FIRRM: variants seen among roughly 807,000 people sequenced by gnomAD.
FIRRM encodes the protein FIGNL1 interacting regulator of recombination and mitosis.
the FIRRM span, chr1:169,795,208 C>A: frequency 6.5e-7 from 1 of 1,535,988 alleles, no homozygotes. Context: ...CCTGCCCCGA[C>A]TCCTCATATC....
the FIRRM span, among the ~76,000 whole-genome samples, chr1:169,816,278 A>G: frequency 6.6e-6 from 1 of 152,192 alleles, no homozygotes; most frequent in African/African-American, 2.4e-5. Context: ...TTTTCACATT[A>G]CCATCTCTCT....
the FIRRM span, chr1:169,800,787 C>CTTTAGA: frequency 4.2e-6 from 2 of 474,872 alleles, no homozygotes; most frequent in African/African-American, 4.4e-5. Flanking sequence ...GTGTATCAAG[C>CTTTAGA]TTTAGATTGG....
At chr1:169,794,896 T>C in the FIRRM span, 1 of 567,324 alleles carries the variant, frequency 1.8e-6, no homozygotes, top group East Asian at 2.9e-5. Context: ...CGGACCTAAA[T>C]CGCGCACCAG....
At chr1:169,785,448 G>A in the FIRRM span, among the ~76,000 whole-genome samples, 1 of 152,200 alleles carries the variant, frequency 6.6e-6, no homozygotes, top group Non-Finnish European at 1.5e-5. Context: ...GATGAATGTG[G>A]GAGTTTTATG....
chr1:169,840,209 C>T, the FIRRM span, among the ~76,000 whole-genome samples: 1 of 152,246 alleles, frequency 6.6e-6, no homozygotes, highest in Non-Finnish European at 1.5e-5. Flanking sequence ...TATTCAGGCT[C>T]TTTTTTGATT....
At chr1:169,853,891 G>GTACTA in the FIRRM span, 1 of 1,087,586 alleles carries the variant, frequency 9.2e-7, no homozygotes, top group East Asian at 2.4e-5. Flanking sequence ...ACACTACCTC[G>GTACTA]TACTAAGTAA....
the FIRRM span, among the ~76,000 whole-genome samples, chr1:169,844,876 T>G: frequency 6.6e-6 from 1 of 152,182 alleles, no homozygotes; most frequent in Non-Finnish European, 1.5e-5. Context: ...TCTTTTAAAT[T>G]GGGGGTTTGC....
the FIRRM span, among the ~76,000 whole-genome samples, chr1:169,785,959 G>A: frequency 8.4e-4 from 127 of 152,054 alleles, no homozygotes; most frequent in African/African-American, 2.8e-3. Context: ...ATATCTATAC[G>A]ACAGTAATAG....
At chr1:169,803,127 C>T in the FIRRM span, 1 of 1,598,522 alleles carries the variant, frequency 6.3e-7, no homozygotes, top group Non-Finnish European at 8.6e-7. Context: ...TTTCAGTGCA[C>T]AAAAAATATA....
chr1:169,853,873 T>G, the FIRRM span: 6 of 1,313,660 alleles, frequency 4.6e-6, no homozygotes, highest in Admixed American at 1.1e-4. Context: ...TATCTTTTGA[T>G]GCCAGAAACA....
At chr1:169,795,045 G>T in the FIRRM span, 1 of 1,381,316 alleles carries the variant, frequency 7.2e-7, no homozygotes. Flanking sequence ...GCGGGACTGC[G>T]AGTTTCCGGT....
the FIRRM span, among the ~76,000 whole-genome samples, chr1:169,805,437 C>T: frequency 2.0e-5 from 3 of 152,282 alleles, no homozygotes; most frequent in Admixed American, 6.5e-5. Flanking sequence ...GTGAGCAGGT[C>T]GCTGTGTGCT....
the FIRRM span, chr1:169,804,106 A>C: frequency 6.5e-7 from 1 of 1,533,922 alleles, no homozygotes; most frequent in Non-Finnish European, 8.8e-7. Context: ...GGGTGTTTAC[A>C]CCTAGTTTCA....
At chr1:169,804,128 G>A in the FIRRM span, 1 of 1,580,468 alleles carries the variant, frequency 6.3e-7, no homozygotes. Flanking sequence ...ACCTTCTCCA[G>A]GCTCTTTTCA....
At chr1:169,787,262 A>G in the FIRRM span, among the ~76,000 whole-genome samples, 1 of 152,202 alleles carries the variant, frequency 6.6e-6, no homozygotes, top group Non-Finnish European at 1.5e-5. Flanking sequence ...CAAACTCTGC[A>G]TTCACCTTGA....
At chr1:169,788,485 C>G in the FIRRM span, among the ~76,000 whole-genome samples, 26 of 152,256 alleles carry the variant, frequency 1.7e-4, no homozygotes, top group African/African-American at 6.3e-4. Context: ...CAAAATATGT[C>G]TTAGTTGACT....
chr1:169,793,309 T>G, the FIRRM span: 3 of 1,613,990 alleles, frequency 1.9e-6, no homozygotes, highest in Middle Eastern at 3.3e-4. Flanking sequence ...TCACTACTGA[T>G]AACTTAACAT....
At chr1:169,821,655 T>A in the FIRRM span, 1 of 1,505,116 alleles carries the variant, frequency 6.6e-7, no homozygotes, top group East Asian at 2.3e-5. Flanking sequence ...TTATTATGCT[T>A]TCTTATTTCC....
the FIRRM span, among the ~76,000 whole-genome samples, chr1:169,790,582 G>A: frequency 6.6e-5 from 10 of 152,168 alleles, no homozygotes; most frequent in African/African-American, 2.4e-4. Flanking sequence ...CCTGGGAAAT[G>A]AGATTGTGTC....
Sources: gnomAD v4.1 joint callset for allele counts (sites outside exome capture counted in the v4.1 genomes callset) on GRCh38, gnomAD v4.1.1 for gene constraint, MANE v1.5 for transcripts, NCBI Gene and HGNC (gene_info 2026-07-23, HGNC 2026-07-21) for gene names.